The following GAS6 variants were observed in gnomAD, a reference collection of about 807,000 sequenced individuals.
The protein encoded by GAS6 is growth arrest-specific protein 6.
In GAS6, 41 loss-of-function variants were observed where a neutral mutation model predicts 75.8. That is an observed-to-expected ratio of 0.54 (90% CI 0.42 to 0.70). The LOEUF is 0.70. Among genes scored for constraint, GAS6 ranks in the 30% least tolerant of loss-of-function variants. GAS6 has a pLI of 0.00. For missense variants in GAS6, 854 were observed against 940.2 expected (o/e 0.91, Z 1.20); for synonymous variants, 432 against 412.6 (o/e 1.05, Z -0.57).
At chr13:113,859,318 ATG>A (rs1019678449) in intron 2 of GAS6, among the ~76,000 whole-genome samples, 13 of 144,904 alleles carry the variant, frequency 9.0e-5, no homozygotes, top group Non-Finnish European at 1.1e-4. Context: ...GTCTGTTAGT[ATG>A]TGTGTGCATG....
At chr13:113,855,946 G>T (rs756136618) in intron 2 of GAS6, among the ~76,000 whole-genome samples, 1 of 152,218 alleles carries the variant, frequency 6.6e-6, no homozygotes, top group Non-Finnish European at 1.5e-5. Flanking sequence ...GACTCCTCCA[G>T]TGGCCGGGAC....
At chr13:113,826,428 T>TCGGCTTCG in intron 12 of GAS6, among the ~76,000 whole-genome samples, 2 of 117,990 alleles carry the variant, frequency 1.7e-5, no homozygotes, top group African/African-American at 6.6e-5. Flanking sequence ...GGCGCTGGCC[T>TCGGCTTCG]CGCAGGCACC....
Position 113,845,149 on chromosome 13 carries a change from G to C in GAS6, c.343+1378C>G, listed in dbSNP as rs542949726. On this transcript the variant is annotated intron_variant, in intron 4 of 14. Transcript: ENST00000327773. The surrounding 1 kb of genome is among the most constrained non-coding windows in gnomAD (Gnocchi z 4.3). ...GCATGGTTGCAGGTCAGGGCAGGCC[G>C]GGCCACAGGGCAGGGCCACCCTCCC... 6.6e-6 allele frequency: 1 copy of C among 150,698 alleles called. No individual in the cohort carries two copies. Among genetic ancestry groups the C allele is most frequent in the Non-Finnish European group, 1.5e-5 (1 of 68,050 alleles). 9.3% of individuals were successfully genotyped at this position (150,698 alleles called of 1,614,324 possible).
chr13:113,827,082 A>G lies in GAS6; in HGVS notation c.1391T>C (p.Val464Ala), dbSNP rs1374482114. The G allele has an allele frequency of 6.2e-7, 1 of 1,613,302 alleles. No homozygotes were observed. The highest frequency in any genetic ancestry group is 8.5e-7 in the Non-Finnish European group (1 of 1,179,892). ...EDTTIQETVK[V>A]NTRMQCFSVT... ...CGAGAAGCACTGCATCCTCGTGTTCACTTTCACCGTTTCCTGGATGGTGGT... is the reference window on the plus strand; with the variant it reads ...CGAGAAGCACTGCATCCTCGTGTTCGCTTTCACCGTTTCCTGGATGGTGGT... Residue 464 changes from valine to alanine, a missense_variant, in exon 12 of 15, where the codon GTG becomes GCG. Coordinates refer to ENST00000327773, the MANE Select transcript of GAS6 (RefSeq NM_000820.4).
intron 10 of GAS6, among the ~76,000 whole-genome samples, chr13:113,830,708 C>A (rs76272088): frequency 8.7e-6 from 1 of 115,444 alleles, no homozygotes; most frequent in Non-Finnish European, 1.7e-5. Flanking sequence ...GGCCCCTCCT[C>A]CCCATGGCTC....
chr13:113,832,976 G>A lies in GAS6; in HGVS notation c.835-224C>T, dbSNP rs1311165124. 5.8e-5 allele frequency: 83 copies of A among 1,434,800 alleles called. 1 individual carries two copies. Among genetic ancestry groups the A allele is most frequent in the Non-Finnish European group, 7.6e-5 (83 of 1,094,742 alleles). 88.9% of individuals were successfully genotyped at this position (1,434,800 alleles called of 1,614,324 possible). On this transcript the variant is annotated intron_variant, in intron 8 of 14. Transcript: ENST00000327773. ...GCCGCTTCCCACAGGGCTTCTCGGG[G>A]GTCCCCGTCATCTCCTTCCCTGCTC... is the stretch of plus-strand genomic sequence containing the variant.
At chr13:113,823,640 G>T in intron 12 of GAS6, 90 bp from the exon 13 acceptor site, 1 of 1,292,860 alleles carries the variant, frequency 7.7e-7, no homozygotes, top group Non-Finnish European at 1.1e-6. Context: ...TGCAGTCCCA[G>T]CCGGGGTGGG....
chr13:113,823,799 GACC>G (rs1271436550), intron 12 of GAS6, among the ~76,000 whole-genome samples: 1 of 152,212 alleles, frequency 6.6e-6, no homozygotes, highest in Non-Finnish European at 1.5e-5. Flanking sequence ...CCCTGTAGGT[GACC>G]ACCAGGCCAC....
chr13:113,829,957 G>C (rs1378837178), intron 10 of GAS6, among the ~76,000 whole-genome samples: 1 of 151,298 alleles, frequency 6.6e-6, no homozygotes, highest in Non-Finnish European at 1.5e-5. Flanking sequence ...GAGCCAAGAG[G>C]GACCTGACCT....
chr13:113,863,423 T>G lies in GAS6; in HGVS notation c.255+152A>C. 5 of 653,530 alleles carry G rather than the reference T, an allele frequency of 7.7e-6. No individual in the cohort carries two copies. Among genetic ancestry groups the G allele is most frequent in the Non-Finnish European group, 8.8e-6 (4 of 452,760 alleles). 40.5% of individuals were successfully genotyped at this position (653,530 alleles called of 1,614,324 possible). A position where few individuals can be genotyped will look rare whatever the true frequency, so the allele number is the denominator to read the frequency against. On this transcript the variant is annotated intron_variant, in intron 2 of 14. Coordinates refer to ENST00000327773, the MANE Select transcript of GAS6 (RefSeq NM_000820.4). This position sits in a 1 kb window ranked among gnomAD's most constrained non-coding sequence, Gnocchi z 9.4. ...TCCCGGGGTCGCCGGGGGATGGGCG[T>G]GGGGGACGCGGGGCGGGCCGGGGCT...
chr13:113,823,935 C>T (rs542833729), intron 12 of GAS6, among the ~76,000 whole-genome samples: 6 of 152,342 alleles, frequency 3.9e-5, no homozygotes, highest in African/African-American at 9.6e-5. Flanking sequence ...TGCGTGGCCT[C>T]GTGCCTCGCA....
At chr13:113,824,932 C>T (rs2051515182) in intron 12 of GAS6, among the ~76,000 whole-genome samples, 1 of 152,180 alleles carries the variant, frequency 6.6e-6, no homozygotes, top group Non-Finnish European at 1.5e-5. Context: ...AAAATGGAAG[C>T]TCCCAGTCGG....
chr13:113,832,785 T>C, intron 8 of GAS6, 33 bp from the exon 9 acceptor site: 1 of 1,611,780 alleles, frequency 6.2e-7, no homozygotes, highest in Non-Finnish European at 8.5e-7. Context: ...CGGTCGGGGA[T>C]GTGGCCTTCA....
intron 2 of GAS6, among the ~76,000 whole-genome samples, chr13:113,859,175 T>C (rs1055070521): frequency 1.6e-4 from 25 of 151,694 alleles, no homozygotes; most frequent in Admixed American, 3.3e-4. Flanking sequence ...TGTCTGCTAG[T>C]ATGTGCCTTT....
intron 4 of GAS6, chr13:113,840,121 G>T: frequency 2.2e-6 from 1 of 460,418 alleles, no homozygotes; most frequent in Non-Finnish European, 3.9e-6. Flanking sequence ...GAAGGGCTGA[G>T]GGCAAAGGAG....
intron 4 of GAS6, chr13:113,842,684 C>A (rs2051798999): frequency 2.5e-6 from 1 of 397,086 alleles, no homozygotes; most frequent in Non-Finnish European, 4.4e-6. Context: ...TGTGCAGGGC[C>A]CAACCCTCCG....
intron 4 of GAS6, chr13:113,842,411 A>G (rs2051795806): frequency 2.5e-6 from 1 of 394,502 alleles, no homozygotes; most frequent in Non-Finnish European, 4.4e-6. Context: ...CGAGGAAACG[A>G]GGACCAGGAC....
At position 113,858,701 on chromosome 13, in the gene GAS6, G is replaced by A. The variant is rs543721839; in HGVS notation, c.255+4874C>T. Among the ~76,000 whole-genome samples the A allele has an allele frequency of 1.3e-4, 19 of 147,928 alleles. No homozygotes were observed. In the South Asian group the frequency reaches 3.6e-3, roughly 28 times the overall value. Reference sequence around the variant, plus strand: ...TGTATGCATGTCTGTGTGTGTGACTGTGTATGTACATCTATGTGAATGTGT... The same window carrying A: ...TGTATGCATGTCTGTGTGTGTGACTATGTATGTACATCTATGTGAATGTGT... On this transcript the variant is annotated intron_variant, in intron 2 of 14. Coordinates refer to ENST00000327773, the MANE Select transcript of GAS6 (RefSeq NM_000820.4).
intron 11 of GAS6, 129 bp downstream of exon 11, chr13:113,828,418 C>A: frequency 1.1e-6 from 1 of 873,924 alleles, no homozygotes; most frequent in Non-Finnish European, 1.6e-6. Flanking sequence ...GGAAACCTTT[C>A]CTTCCTCTAG....
Sources: allele counts gnomAD v4.1 joint callset (sites outside exome capture counted in the v4.1 genomes callset), GRCh38; gene constraint gnomAD v4.1.1; non-coding constraint Gnocchi (gnomAD v3.1); transcripts MANE v1.5; gene names NCBI Gene and HGNC (gene_info 2026-07-23, HGNC 2026-07-21).